The following GDA variants were observed in gnomAD, a reference collection of about 807,000 sequenced individuals.
GDA encodes the protein cytoplasmic PSD-95 interactor.
In GDA, 18 loss-of-function variants were observed where a neutral mutation model predicts 59.6. The ratio of observed to expected loss-of-function variants is 0.30; its 90% CI spans 0.21 to 0.45. GDA has a LOEUF of 0.45. Among genes scored for constraint, GDA ranks in the 20% least tolerant of loss-of-function variants. The pLI is 1.00. For synonymous variants in GDA, 201 were observed against 201.1 expected, an observed-to-expected ratio of 1.00 and a Z score of 0.00; for missense variants, 427 against 552.3, an observed-to-expected ratio of 0.77 and a Z score of 2.27.
intron 2 of GDA, among the ~76,000 whole-genome samples, chr9:72,200,719 T>C (rs1054751430): frequency 2.6e-5 from 4 of 152,260 alleles, no homozygotes; most frequent in African/African-American, 4.8e-5. Flanking sequence ...CAGTGACTGA[T>C]ACCTGAGAGA....
intron 1 of GDA, among the ~76,000 whole-genome samples, chr9:72,164,733 C>T (rs1829071706): frequency 6.6e-6 from 1 of 150,906 alleles, no homozygotes; most frequent in African/African-American, 2.4e-5. Context: ...CCTGTAATCC[C>T]AGCACTTTGG....
intron 1 of GDA, among the ~76,000 whole-genome samples, chr9:72,165,912 C>G (rs894182772): frequency 7.0e-6 from 1 of 142,936 alleles, no homozygotes; most frequent in South Asian, 2.6e-4. Context: ...AAAAAAAAAA[C>G]AACAAAAAAT....
intron 1 of GDA, among the ~76,000 whole-genome samples, chr9:72,192,257 C>T (rs868438994): frequency 7.4e-4 from 58 of 78,648 alleles, no homozygotes; most frequent in African/African-American, 3.0e-3. Flanking sequence ...TTTTTGAGAA[C>T]GAGTCTCACT....
upstream of GDA, among the ~76,000 whole-genome samples, chr9:72,146,571 A>C (rs1004267995): frequency 6.6e-6 from 1 of 151,770 alleles, no homozygotes; most frequent in African/African-American, 2.4e-5. Flanking sequence ...GCTCACTGCA[A>C]TCTCTGCCTC....
intron 10 of GDA, among the ~76,000 whole-genome samples, chr9:72,231,518 C>A (rs1486420760): frequency 6.6e-6 from 1 of 151,298 alleles, no homozygotes; most frequent in Non-Finnish European, 1.5e-5. Context: ...TGAGCTGAGA[C>A]TGCGCCACTG....
intron 10 of GDA, among the ~76,000 whole-genome samples, chr9:72,231,877 G>A (rs1316547198): frequency 1.3e-5 from 2 of 152,222 alleles, no homozygotes; most frequent in African/African-American, 2.4e-5. Context: ...TGAGAATTCG[G>A]ATGTATGTTA....
chr9:72,223,198 A>G lies in GDA; in HGVS notation c.685A>G (p.Ile229Val), dbSNP rs1381997402. The G allele has an allele frequency of 1.2e-6, 2 of 1,612,358 alleles. No individual in the cohort carries two copies. Among genetic ancestry groups the G allele is most frequent in the Non-Finnish European group, 1.7e-6 (2 of 1,178,608 alleles). The change falls in exon 7 of 14, where the codon ATT (isoleucine) becomes GTT (valine). Residue 229 changes from isoleucine to valine, a missense_variant. Transcript: ENST00000358399. ...SETLMGELGN[I>V]AKTRDLHIQS... ...GACTTTGATGGGTGAACTGGGCAAC[A>G]TTGCTAAAACCCGTGATTTGCACAT...
At chr9:72,201,346 C>T (rs151310559) in intron 2 of GDA, among the ~76,000 whole-genome samples, 8 of 152,202 alleles carry the variant, frequency 5.3e-5, no homozygotes, top group Non-Finnish European at 1.2e-4. Flanking sequence ...GTGCCAGTGC[C>T]TAGTGAATGT....
At chr9:72,135,309 T>C (rs1173240071) in intron 1 of GDA, among the ~76,000 whole-genome samples, 1 of 152,118 alleles carries the variant, frequency 6.6e-6, no homozygotes, top group Non-Finnish European at 1.5e-5. Flanking sequence ...CAATAATATT[T>C]TGAGCACATT....
At chr9:72,192,143 T>G (rs567490248) in intron 1 of GDA, among the ~76,000 whole-genome samples, 2 of 151,876 alleles carry the variant, frequency 1.3e-5, no homozygotes, top group African/African-American at 4.8e-5. Context: ...AATTTGTGGG[T>G]TTTTAGATCC....
intron 1 of GDA, among the ~76,000 whole-genome samples, chr9:72,160,786 GCTGA>G (rs1445403003): frequency 6.6e-6 from 1 of 152,202 alleles, no homozygotes; most frequent in Admixed American, 6.5e-5. Context: ...GCCTGGCCTT[GCTGA>G]CTGTTTGCCC....
chr9:72,157,323 G>C (rs1012889895), intron 1 of GDA, among the ~76,000 whole-genome samples: 1 of 152,184 alleles, frequency 6.6e-6, no homozygotes, highest in Non-Finnish European at 1.5e-5. Context: ...TTACAGGCGT[G>C]AGCCACGGTA....
At chr9:72,195,797 A>C (rs1217152716) in intron 2 of GDA, among the ~76,000 whole-genome samples, 1 of 152,230 alleles carries the variant, frequency 6.6e-6, no homozygotes, top group East Asian at 1.9e-4. Flanking sequence ...GGCTGCCATC[A>C]TTCATCAATT....
At chr9:72,151,159 A>G (rs1827153588) in intron 1 of GDA, among the ~76,000 whole-genome samples, 1 of 152,238 alleles carries the variant, frequency 6.6e-6, no homozygotes, top group East Asian at 1.9e-4. Flanking sequence ...GTACAGAAGA[A>G]GAATAAAAGA....
chr9:72,133,308 A>AAAAAAAT (rs767205305), intron 1 of GDA, among the ~76,000 whole-genome samples: 97 of 101,486 alleles, frequency 9.6e-4, no homozygotes, highest in Non-Finnish European at 1.5e-3. Context: ...AAAAAAAAAA[A>AAAAAAAT]AATAATAATA....
intron 2 of GDA, among the ~76,000 whole-genome samples, chr9:72,201,973 G>A (rs1367166554): frequency 2.0e-5 from 3 of 152,110 alleles, no homozygotes; most frequent in Non-Finnish European, 2.9e-5. Flanking sequence ...CCCGTTTGTG[G>A]TCCATCTCCT....
intron 1 of GDA, among the ~76,000 whole-genome samples, chr9:72,131,634 A>C: frequency 7.3e-6 from 1 of 137,148 alleles, no homozygotes; most frequent in South Asian, 2.4e-4. Context: ...GGCTAGAAAC[A>C]CACCACGTGC....
At chr9:72,170,137 CA>C (rs1446392926) in intron 1 of GDA, among the ~76,000 whole-genome samples, 1 of 152,302 alleles carries the variant, frequency 6.6e-6, no homozygotes, top group African/African-American at 2.4e-5. Context: ...CGTAAAAATA[CA>C]ACAGTAAAGT....
At position 72,249,249 on chromosome 9, in the gene GDA, G is replaced by T. The variant is rs1840454657; in HGVS notation, c.*907G>T. The T allele has an allele frequency of 2.0e-6, 2 of 984,864 alleles. No individual in the cohort carries two copies. The highest frequency in any genetic ancestry group is 6.2e-5 in the Admixed American group (1 of 16,248). 61.0% of individuals were successfully genotyped at this position (984,864 alleles called of 1,614,324 possible). ...AACTGGGGCAAATGCTGGCATCCAGGAGCCGCCAATACTAACAGGACAGGT... is the reference window on the plus strand; with the variant it reads ...AACTGGGGCAAATGCTGGCATCCAGTAGCCGCCAATACTAACAGGACAGGT... On this transcript the variant is annotated 3_prime_UTR_variant, in exon 14 of 14. Coordinates refer to ENST00000358399, the MANE Select transcript of GDA (RefSeq NM_004293.5).
Sources: allele counts gnomAD v4.1 joint callset (sites outside exome capture counted in the v4.1 genomes callset), GRCh38; gene constraint gnomAD v4.1.1; transcripts MANE v1.5; gene names NCBI Gene and HGNC (gene_info 2026-07-23, HGNC 2026-07-21).